Variants in DOCK2 observed in about 807,000 individuals in gnomAD.
The protein encoded by DOCK2 is dedicator of cytokinesis protein 2.
DOCK2 carries 87 observed loss-of-function variants against 248.9 expected under a neutral mutation model. The ratio of observed to expected loss-of-function variants is 0.35; its 90% CI spans 0.29 to 0.42. DOCK2 has a LOEUF of 0.42. Among genes scored for constraint, DOCK2 ranks in the 10% least tolerant of loss-of-function variants. The pLI is 1.00. For synonymous variants in DOCK2, 805 were observed against 821.6 expected, an observed-to-expected ratio of 0.98 and a Z score of 0.35; for missense variants, 1,747 against 2,300.2, an observed-to-expected ratio of 0.76 and a Z score of 4.92.
rs1431221183 is a variant in DOCK2, at chr5:170,050,250, C to T, written c.4072-6C>T. 1 of 1,613,678 alleles carries T rather than the reference C, an allele frequency of 6.2e-7. No individual in the cohort carries two copies. Among genetic ancestry groups the T allele is most frequent in the Admixed American group, 1.7e-5 (1 of 60,008 alleles). Reference sequence around the variant, plus strand: ...CAAATCTCTAATGAGCATCCTTTCTCTGCAGAACAAAGTGTTCATCTACCG... The same window carrying T: ...CAAATCTCTAATGAGCATCCTTTCTTTGCAGAACAAAGTGTTCATCTACCG... On this transcript the variant is annotated splice_polypyrimidine_tract_variant and splice_region_variant and intron_variant, in intron 40 of 51. Coordinates refer to ENST00000520908, the MANE Select transcript of DOCK2 (RefSeq NM_004946.3).
chr5:169,648,944 G>A (rs1341016455), intron 1 of DOCK2, among the ~76,000 whole-genome samples: 4 of 152,166 alleles, frequency 2.6e-5, no homozygotes, highest in Non-Finnish European at 5.9e-5. Flanking sequence ...TGAGCTCTGG[G>A]GTGGCTGCCA....
At chr5:170,054,895 T>G (rs1757064670) in intron 41 of DOCK2, among the ~76,000 whole-genome samples, 1 of 152,196 alleles carries the variant, frequency 6.6e-6, no homozygotes, top group Non-Finnish European at 1.5e-5. Context: ...TGGCCTGGCT[T>G]CTCTGGCCTC....
intron 47 of DOCK2, 85 bp from the exon 48 acceptor site, chr5:170,077,625 C>A: frequency 6.3e-7 from 1 of 1,576,294 alleles, no homozygotes; most frequent in Non-Finnish European, 8.6e-7. Context: ...CTCTGCCCTG[C>A]CTAGGTGGAG....
chr5:170,054,331 G>A (rs1157454592), intron 41 of DOCK2, among the ~76,000 whole-genome samples: 2 of 152,168 alleles, frequency 1.3e-5, no homozygotes, highest in Non-Finnish European at 2.9e-5. Flanking sequence ...AAAAGACGTG[G>A]GTAAAGAAGA....
In DOCK2 at chr5:169,992,929, C is replaced by A. The variant is rs895260016; in HGVS notation, c.2994-3157C>A. 2.0e-5 allele frequency among the ~76,000 whole-genome samples: 3 copies of A among 152,310 alleles called. No homozygotes were observed. In the East Asian group the frequency reaches 5.8e-4, roughly 29 times the overall value. ...CTTTGATTTACCTGCTACTAATCCC[C>A]ATCATCAGCACAGGGGCAAATCAAT... On this transcript the variant is annotated intron_variant, in intron 29 of 51. Coordinates refer to ENST00000520908, the MANE Select transcript of DOCK2 (RefSeq NM_004946.3).
intron 27 of DOCK2, among the ~76,000 whole-genome samples, chr5:169,894,923 C>A (rs1362286738): frequency 6.6e-6 from 1 of 152,192 alleles, no homozygotes; most frequent in African/African-American, 2.4e-5. Flanking sequence ...AATGTCCCGT[C>A]TGCTGGTTTT....
chr5:170,013,315 C>T (rs1755379345), intron 32 of DOCK2, among the ~76,000 whole-genome samples: 1 of 152,030 alleles, frequency 6.6e-6, no homozygotes, highest in African/African-American at 2.4e-5. Context: ...GTAGGCTCCC[C>T]AAAGATGTCC....
intron 27 of DOCK2, among the ~76,000 whole-genome samples, chr5:169,844,622 C>G (rs1174479824): frequency 6.6e-6 from 1 of 152,200 alleles, no homozygotes; most frequent in Non-Finnish European, 1.5e-5. Context: ...CCCACCAAGT[C>G]TTATTATTGT....
chr5:169,810,943 G>T (rs1767701699), intron 26 of DOCK2, among the ~76,000 whole-genome samples: 1 of 151,246 alleles, frequency 6.6e-6, no homozygotes, highest in African/African-American at 2.4e-5. Flanking sequence ...GGTTTTGGGT[G>T]CATGTATGTT....
chr5:169,720,444 C>T (rs1293168131), intron 22 of DOCK2, among the ~76,000 whole-genome samples: 1 of 151,986 alleles, frequency 6.6e-6, no homozygotes, highest in Non-Finnish European at 1.5e-5. Flanking sequence ...CTTTCCTTTT[C>T]CATCCCTTCC....
intron 25 of DOCK2, among the ~76,000 whole-genome samples, chr5:169,773,491 A>G (rs1765211829): frequency 6.6e-6 from 1 of 152,140 alleles, no homozygotes; most frequent in Non-Finnish European, 1.5e-5. Flanking sequence ...TTAAAAATAG[A>G]GAACAACAAA....
rs150399939 is a variant in DOCK2, at chr5:169,819,737, C to T, written c.2703+16531C>T. On this transcript the variant is annotated intron_variant, in intron 26 of 51. Coordinates refer to ENST00000520908, the MANE Select transcript of DOCK2 (RefSeq NM_004946.3). ...ATTTCTGCCTTTCCAACTGAGGTAC[C>T]GGGTTCATCTCACTGGGACTTGTCG... is the stretch of plus-strand genomic sequence containing the variant. Among the ~76,000 whole-genome samples the T allele has an allele frequency of 9.2e-3, 1,396 of 152,296 alleles. 30 individuals carry two copies. Among genetic ancestry groups the T allele is most frequent in the African/African-American group, 0.032 (1,337 of 41,558 alleles).
chr5:169,917,097 T>A (rs1290510182), intron 27 of DOCK2, among the ~76,000 whole-genome samples: 1 of 152,228 alleles, frequency 6.6e-6, no homozygotes, highest in African/African-American at 2.4e-5. Flanking sequence ...TGACGTATGA[T>A]CAAGCCACCA....
At chr5:169,996,292 G>A (rs147734282) in intron 30 of DOCK2, 128 bp downstream of exon 30, 9 of 900,156 alleles carry the variant, frequency 1.0e-5, no homozygotes, top group Middle Eastern at 3.4e-4. Flanking sequence ...GGATTCCCAC[G>A]GGGGGTTATG....
intron 8 of DOCK2, among the ~76,000 whole-genome samples, chr5:169,685,610 T>C (rs1345921891): frequency 6.6e-6 from 1 of 152,256 alleles, no homozygotes; most frequent in Non-Finnish European, 1.5e-5. Context: ...TAAAATGATG[T>C]CTTCCTGGCT....
chr5:169,651,036 C>T (rs1282397305), intron 1 of DOCK2, among the ~76,000 whole-genome samples: 1 of 152,144 alleles, frequency 6.6e-6, no homozygotes, highest in Admixed American at 6.5e-5. Context: ...CCTTTTTCAT[C>T]CCTTGTTCAA....
At chr5:170,042,687 T>C (rs530968612) in intron 38 of DOCK2, among the ~76,000 whole-genome samples, 1 of 152,304 alleles carries the variant, frequency 6.6e-6, no homozygotes, top group African/African-American at 2.4e-5. Flanking sequence ...TCCACTCAGA[T>C]GTCACATGCT....
intron 30 of DOCK2, chr5:169,997,884 A>G (rs965219282): frequency 4.4e-6 from 2 of 455,462 alleles, no homozygotes; most frequent in African/African-American, 2.0e-5. Flanking sequence ...GCCTCTCAGA[A>G]GCTGAGCAAC....
chr5:170,049,616 T>C (rs1024660870), intron 40 of DOCK2, among the ~76,000 whole-genome samples: 3 of 152,218 alleles, frequency 2.0e-5, no homozygotes, highest in Admixed American at 2.0e-4. Context: ...AAATTCTTCA[T>C]TGTGGGGCTG....
Sources: allele counts gnomAD v4.1 joint callset (sites outside exome capture counted in the v4.1 genomes callset), GRCh38; gene constraint gnomAD v4.1.1; transcripts MANE v1.5; gene names NCBI Gene and HGNC (gene_info 2026-07-23, HGNC 2026-07-21).